KHDRBS3: variants seen among roughly 807,000 people sequenced by gnomAD.
The protein encoded by KHDRBS3 is KH domain-containing, RNA-binding, signal transduction-associated protein 3.
A neutral mutation model predicts 45.6 loss-of-function variants in KHDRBS3; 23 were observed. The observed-to-expected ratio is 0.50, with a 90% CI of 0.36 to 0.72. KHDRBS3 has a LOEUF of 0.72. KHDRBS3 is among the 30% of genes least tolerant of loss of function. KHDRBS3 has a pLI of 0.00. For synonymous variants in KHDRBS3, 162 were observed against 156.5 expected, an observed-to-expected ratio of 1.04 and a Z score of -0.26; for missense variants, 352 against 424.8, an observed-to-expected ratio of 0.83 and a Z score of 1.51.
At chr8:135,562,238 G>A (rs1053154687) in intron 5 of KHDRBS3, among the ~76,000 whole-genome samples, 2 of 151,944 alleles carry the variant, frequency 1.3e-5, no homozygotes, top group Non-Finnish European at 2.9e-5. Context: ...CTTTTATATT[G>A]TCATGTCTCC....
intron 3 of KHDRBS3, among the ~76,000 whole-genome samples, chr8:135,544,889 T>C (rs1020684619): frequency 6.6e-5 from 10 of 152,134 alleles, no homozygotes; most frequent in African/African-American, 2.4e-4. Flanking sequence ...CTGAACCCAC[T>C]GTCAGTGGAC....
intron 1 of KHDRBS3, among the ~76,000 whole-genome samples, chr8:135,513,199 CA>C (rs923068828): frequency 6.7e-4 from 93 of 138,836 alleles, no homozygotes; most frequent in African/African-American, 1.5e-3. Context: ...GACTCCGTCT[CA>C]AAAAAAAAAA....
At chr8:135,550,862 A>G (rs1826554522) in intron 4 of KHDRBS3, among the ~76,000 whole-genome samples, 1 of 152,160 alleles carries the variant, frequency 6.6e-6, no homozygotes, top group Admixed American at 6.5e-5. Flanking sequence ...GGAACATGAA[A>G]TGTTTCTTCA....
intron 4 of KHDRBS3, among the ~76,000 whole-genome samples, chr8:135,655,597 G>A (rs986876087): frequency 2.0e-5 from 3 of 152,162 alleles, no homozygotes; most frequent in Non-Finnish European, 2.9e-5. Flanking sequence ...TGGAGCCATC[G>A]GCGATGTCCT....
intron 1 of KHDRBS3, among the ~76,000 whole-genome samples, chr8:135,501,747 A>C (rs890738438): frequency 6.6e-6 from 1 of 152,022 alleles, no homozygotes; most frequent in African/African-American, 2.4e-5. Flanking sequence ...ATATAGTAGA[A>C]TTTTCTTTAA....
chr8:135,466,102 T>C (rs1451125291), intron 1 of KHDRBS3, among the ~76,000 whole-genome samples: 5 of 152,266 alleles, frequency 3.3e-5, no homozygotes. Flanking sequence ...TAGCTATTTC[T>C]GAACTGAGTC....
intron 1 of KHDRBS3, among the ~76,000 whole-genome samples, chr8:135,463,913 T>C (rs1821562622): frequency 6.6e-6 from 1 of 152,170 alleles, no homozygotes; most frequent in South Asian, 2.1e-4. Context: ...AGCCACCAAT[T>C]TGAGGCTCTT....
At chr8:135,538,043 A>G (rs1213616871) in intron 2 of KHDRBS3, among the ~76,000 whole-genome samples, 1 of 152,182 alleles carries the variant, frequency 6.6e-6, no homozygotes, top group Non-Finnish European at 1.5e-5. Context: ...TGAGAACTGT[A>G]AGTTATATCT....
At chr8:135,654,193 C>A (rs1462558431) in intron 4 of KHDRBS3, among the ~76,000 whole-genome samples, 1 of 152,046 alleles carries the variant, frequency 6.6e-6, no homozygotes, top group Admixed American at 6.5e-5. Context: ...CTACCTTTTT[C>A]TTTTTATTGG....
chr8:135,589,212 G>A (rs965571873), intron 6 of KHDRBS3, among the ~76,000 whole-genome samples: 10 of 152,170 alleles, frequency 6.6e-5, no homozygotes, highest in Non-Finnish European at 1.2e-4. Flanking sequence ...ACCTTTGCTT[G>A]TAGTCTTGCT....
chr8:135,573,124 G>A (rs544938348), intron 5 of KHDRBS3, among the ~76,000 whole-genome samples: 1 of 152,254 alleles, frequency 6.6e-6, no homozygotes, highest in South Asian at 2.1e-4. Flanking sequence ...GCCCCACTCT[G>A]TAGTCAGCAT....
rs986913247 is a variant in KHDRBS3 at position 135,626,363 on chromosome 8, T to G, written c.891-18696T>G. On this transcript the variant is annotated intron_variant, in intron 7 of 8. Coordinates refer to ENST00000355849, the MANE Select transcript of KHDRBS3 (RefSeq NM_006558.3). ...TTACAGTAAGATGGAGAAACCTGCT[T>G]AAAAATGAAAACCTGAGCCTATAAA... Among the ~76,000 whole-genome samples the G allele has an allele frequency of 3.3e-5, 5 of 152,316 alleles. No homozygotes were observed. In the South Asian group the frequency reaches 8.3e-4, roughly 25 times the overall value.
At position 135,526,231 on chromosome 8, in the gene KHDRBS3, A is replaced by G. The variant is rs1414728329; in HGVS notation, c.207+4876A>G. On this transcript the variant is annotated intron_variant, in intron 2 of 8. Coordinates refer to ENST00000355849, the MANE Select transcript of KHDRBS3 (RefSeq NM_006558.3). Reference sequence around the variant, plus strand: ...GTGTTCACATCATTATTGACTCATAACATCAATAAAGTGTACGAAATAAAA... The same window carrying G: ...GTGTTCACATCATTATTGACTCATAGCATCAATAAAGTGTACGAAATAAAA... 2.0e-5 allele frequency among the ~76,000 whole-genome samples: 3 copies of G among 152,156 alleles called. No individual in the cohort carries two copies. In the East Asian group the frequency reaches 5.8e-4, roughly 29 times the overall value.
rs541038064 is a variant in KHDRBS3, at chr8:135,553,501, T to C, written c.472-3947T>C. ...CATTCTTTTTAATGTCTGCATAATA[T>C]TTTATTATATGCATGTTCCAGAGTT... On this transcript the variant is annotated intron_variant, in intron 4 of 8. Transcript: ENST00000355849. 3.3e-5 allele frequency among the ~76,000 whole-genome samples: 5 copies of C among 152,292 alleles called. No individual in the cohort carries two copies. The East Asian group carries it at 9.7e-4, about 29-fold the overall frequency.
intron 5 of KHDRBS3, among the ~76,000 whole-genome samples, chr8:135,558,626 T>C (rs1289579711): frequency 6.6e-6 from 1 of 152,156 alleles, no homozygotes; most frequent in Admixed American, 6.6e-5. Flanking sequence ...GGGTTGCTAT[T>C]GATGATTTTA....
chr8:135,495,197 A>C (rs1339560232), intron 1 of KHDRBS3, among the ~76,000 whole-genome samples: 3 of 152,144 alleles, frequency 2.0e-5, no homozygotes, highest in Non-Finnish European at 4.4e-5. Flanking sequence ...TGTAGCTGCC[A>C]CTTCTGTGTT....
At position 135,565,657 on chromosome 8, in the gene KHDRBS3, G is replaced by C. The variant is rs147001985; in HGVS notation, c.611+8070G>C. Among the ~76,000 whole-genome samples, 414 of 152,288 alleles carry C rather than the reference G, an allele frequency of 2.7e-3. 5 individuals are homozygous for C. The highest frequency in any genetic ancestry group is 9.4e-3 in the African/African-American group (389 of 41,570). ...GAGAGTTGGTGAGAGTTCATACACA[G>C]AATCTGTGGCTCCCTATCTCTGGCT... On this transcript the variant is annotated intron_variant, in intron 5 of 8. Transcript: ENST00000355849.
intron 7 of KHDRBS3, among the ~76,000 whole-genome samples, chr8:135,640,040 A>G (rs1176614891): frequency 6.6e-6 from 1 of 152,170 alleles, no homozygotes; most frequent in East Asian, 1.9e-4. Context: ...TCAAGTTTTC[A>G]TTGAGCAAGA....
intron 1 of KHDRBS3, among the ~76,000 whole-genome samples, chr8:135,460,860 GTAGTCGTTCTT>G (rs1227437997): frequency 6.6e-6 from 1 of 152,214 alleles, no homozygotes; most frequent in Non-Finnish European, 1.5e-5. Flanking sequence ...TAGATGAGGT[GTAGTCGTTCTT>G]TAAAAATTCA....
Sources: gnomAD v4.1 joint callset for allele counts (sites outside exome capture counted in the v4.1 genomes callset) on GRCh38, gnomAD v4.1.1 for gene constraint, MANE v1.5 for transcripts, NCBI Gene and HGNC (gene_info 2026-07-23, HGNC 2026-07-21) for gene names.